Variants in RBFOX1 observed in about 807,000 individuals in gnomAD.
RBFOX1 encodes RNA binding fox-1 homolog 1.
A neutral mutation model predicts 57.7 loss-of-function variants in RBFOX1; 8 were observed. The observed-to-expected ratio is 0.14, with a 90% CI of 0.08 to 0.25. RBFOX1 has a LOEUF of 0.25. Among genes scored for constraint, RBFOX1 ranks in the 10% least tolerant of loss-of-function variants. The pLI, the probability that RBFOX1 is intolerant of heterozygous loss-of-function variation, is 1.00. For synonymous variants in RBFOX1, 326 were observed against 222.4 expected, an observed-to-expected ratio of 1.47 and a Z score of -4.15; for missense variants, 611 against 548.5, an observed-to-expected ratio of 1.11 and a Z score of -1.14.
At chr16:5,288,156 A>G (rs540655524) in intron 1 of RBFOX1, among the ~76,000 whole-genome samples, 62 of 152,340 alleles carry the variant, frequency 4.1e-4, no homozygotes, top group African/African-American at 1.1e-3. Flanking sequence ...TTTCCGATCA[A>G]TTTTGACAAA....
chr16:6,820,795 G>C (rs1418518874), intron 3 of RBFOX1, among the ~76,000 whole-genome samples: 1 of 152,192 alleles, frequency 6.6e-6, no homozygotes, highest in East Asian at 1.9e-4. Flanking sequence ...AAAGGCCTGT[G>C]AATGAGCACA....
chr16:7,700,754 T>C (rs1207781651), intron 14 of RBFOX1, among the ~76,000 whole-genome samples: 1 of 152,218 alleles, frequency 6.6e-6, no homozygotes, highest in Non-Finnish European at 1.5e-5. Context: ...TTACTGTGTC[T>C]TCTCTACTCC....
At chr16:6,357,834 C>A (rs1195933306) in intron 2 of RBFOX1, among the ~76,000 whole-genome samples, 1 of 151,758 alleles carries the variant, frequency 6.6e-6, no homozygotes, top group Non-Finnish European at 1.5e-5. Flanking sequence ...GCCTGCAGTC[C>A]CAACTACTTG....
intron 13 of RBFOX1, among the ~76,000 whole-genome samples, chr16:7,668,157 C>A (rs2070042708): frequency 6.6e-6 from 1 of 152,104 alleles, no homozygotes; most frequent in East Asian, 1.9e-4. Flanking sequence ...TTCTAGGTGC[C>A]CTGCTCTCTC....
At chr16:6,014,198 A>C (rs1425095575), upstream of RBFOX1, among the ~76,000 whole-genome samples, 1 of 152,156 alleles carries the variant, frequency 6.6e-6, no homozygotes, top group Non-Finnish European at 1.5e-5. Flanking sequence ...GAGCTTATAT[A>C]GTAAATACCA....
At chr16:6,638,835 G>T (rs2098464602) in intron 2 of RBFOX1, among the ~76,000 whole-genome samples, 1 of 152,170 alleles carries the variant, frequency 6.6e-6, no homozygotes, top group South Asian at 2.1e-4. Context: ...GTTACTTAAG[G>T]CTGTAGACAA....
chr16:6,736,657 T>C (rs1384200411), intron 3 of RBFOX1, among the ~76,000 whole-genome samples: 1 of 152,230 alleles, frequency 6.6e-6, no homozygotes, highest in African/African-American at 2.4e-5. Flanking sequence ...TGACATCTTT[T>C]CATCTGGGTA....
chr16:6,010,024 G>T (rs942602318), intron 4 of RBFOX1, among the ~76,000 whole-genome samples: 1 of 152,088 alleles, frequency 6.6e-6, no homozygotes, highest in Non-Finnish European at 1.5e-5. Flanking sequence ...AGAGATACTG[G>T]GGTTTTTCTT....
At chr16:6,150,755 C>G (rs1597812812) in intron 1 of RBFOX1, among the ~76,000 whole-genome samples, 1 of 152,182 alleles carries the variant, frequency 6.6e-6, no homozygotes, top group African/African-American at 2.4e-5. Context: ...TTATCTATCT[C>G]TCTATCCCTA....
intron 3 of RBFOX1, among the ~76,000 whole-genome samples, chr16:6,951,639 C>T (rs2080781947): frequency 6.6e-6 from 1 of 152,086 alleles, no homozygotes; most frequent in Non-Finnish European, 1.5e-5. Flanking sequence ...GGGTAGTCAG[C>T]CTTCGTAAGT....
In RBFOX1 at chr16:6,838,664, T is replaced by C. The variant is rs182589600; in HGVS notation, c.-16+184014T>C. On this transcript the variant is annotated intron_variant, in intron 3 of 15. Coordinates refer to ENST00000550418, the MANE Select transcript of RBFOX1 (RefSeq NM_018723.4). ...CACTGGTTTGTCCTAGAATTCTTTATTGGGCAAAGCCGATAACCTTCCCAT... is the reference window on the plus strand; with the variant it reads ...CACTGGTTTGTCCTAGAATTCTTTACTGGGCAAAGCCGATAACCTTCCCAT... Among the ~76,000 whole-genome samples, 68 of 152,296 alleles carry C rather than the reference T, an allele frequency of 4.5e-4. No homozygotes were observed. In the South Asian group the frequency reaches 0.011, roughly 25 times the overall value.
At chr16:7,020,168 T>C (rs910874227) in intron 3 of RBFOX1, among the ~76,000 whole-genome samples, 2 of 152,142 alleles carry the variant, frequency 1.3e-5, no homozygotes, top group Non-Finnish European at 2.9e-5. Context: ...ATGCCATCTT[T>C]ATACCTCTGT....
At chr16:5,384,812 G>A (rs1482438077) in intron 1 of RBFOX1, among the ~76,000 whole-genome samples, 2 of 152,114 alleles carry the variant, frequency 1.3e-5, no homozygotes, top group East Asian at 1.9e-4. Flanking sequence ...GATGCTTCAC[G>A]TATAAATGTG....
chr16:6,468,560 A>G (rs75486493), intron 2 of RBFOX1, among the ~76,000 whole-genome samples: 4,027 of 152,252 alleles, frequency 0.026, 90 homozygotes, highest in Middle Eastern at 0.075. Context: ...TCAAAATTCT[A>G]AAGGGAAATT....
intron 2 of RBFOX1, among the ~76,000 whole-genome samples, chr16:6,495,511 C>T (rs897047475): frequency 6.6e-6 from 1 of 152,132 alleles, no homozygotes; most frequent in Non-Finnish European, 1.5e-5. Flanking sequence ...CAGTAATATT[C>T]ATTTAGAGTA....
At chr16:6,984,480 C>A (rs750740363) in intron 3 of RBFOX1, among the ~76,000 whole-genome samples, 1 of 152,096 alleles carries the variant, frequency 6.6e-6, no homozygotes, top group Non-Finnish European at 1.5e-5. Context: ...CACTGTTAGG[C>A]AGGTTTTGTT....
intron 4 of RBFOX1, among the ~76,000 whole-genome samples, chr16:7,401,969 C>T (rs560748046): frequency 6.6e-6 from 1 of 152,288 alleles, no homozygotes; most frequent in African/African-American, 2.4e-5. Flanking sequence ...AATAATACAT[C>T]AAGCATGCAG....
chr16:6,706,219 C>T (rs935533573), intron 3 of RBFOX1, among the ~76,000 whole-genome samples: 33 of 152,174 alleles, frequency 2.2e-4, no homozygotes, highest in African/African-American at 7.7e-4. Context: ...CTTAGGTTCA[C>T]AACAGCAGTG....
At chr16:6,840,579 G>A (rs1343375625) in intron 3 of RBFOX1, among the ~76,000 whole-genome samples, 2 of 152,006 alleles carry the variant, frequency 1.3e-5, no homozygotes, top group African/African-American at 4.8e-5. Flanking sequence ...CTCATGAATG[G>A]GATTAGTGCC....
Sources: gnomAD v4.1 joint callset for allele counts (sites outside exome capture counted in the v4.1 genomes callset) on GRCh38, gnomAD v4.1.1 for gene constraint, MANE v1.5 for transcripts, NCBI Gene and HGNC (gene_info 2026-07-23, HGNC 2026-07-21) for gene names.